The following TENM3 variants were observed in gnomAD, a reference collection of about 807,000 sequenced individuals.
TENM3 encodes teneurin transmembrane protein 3, also known as teneurin-3.
A neutral mutation model predicts 255.1 loss-of-function variants in TENM3; 63 were observed. The ratio of observed to expected loss-of-function variants is 0.25; its 90% confidence interval spans 0.20 to 0.30. TENM3 has a LOEUF of 0.30. Among genes scored for constraint, TENM3 ranks in the 10% least tolerant of loss-of-function variants. The pLI is 1.00. For synonymous variants in TENM3, 1,306 were observed against 1,322.3 expected (o/e 0.99, Z 0.27); for missense variants, 2,929 against 3,461.1 (o/e 0.85, Z 3.86).
chr4:181,978,047 T>C, the TENM3 span, among the ~76,000 whole-genome samples: 1 of 152,156 alleles, frequency 6.6e-6, no homozygotes, highest in Admixed American at 6.5e-5. Flanking sequence ...AAAATAGTTT[T>C]AACAGATCTG....
At chr4:182,314,279 C>T (rs968848283) in intron 1 of TENM3, among the ~76,000 whole-genome samples, 25 of 150,700 alleles carry the variant, frequency 1.7e-4, no homozygotes, top group African/African-American at 5.9e-4. Flanking sequence ...CCAGCCTGGG[C>T]GACAGAGCGA....
chr4:182,399,675 G>A (rs1461583181), intron 3 of TENM3, among the ~76,000 whole-genome samples: 1 of 152,192 alleles, frequency 6.6e-6, no homozygotes, highest in Non-Finnish European at 1.5e-5. Flanking sequence ...CGCACTGCTT[G>A]TTCAGTTTTT....
intron 3 of TENM3, among the ~76,000 whole-genome samples, chr4:182,459,585 G>A (rs1774169118): frequency 6.6e-6 from 1 of 151,950 alleles, no homozygotes; most frequent in Admixed American, 6.6e-5. Flanking sequence ...TTTCTTTAAA[G>A]TATATTTAAA....
the TENM3 span, among the ~76,000 whole-genome samples, chr4:181,551,838 ATGTG>A: frequency 0.04 from 5,546 of 138,574 alleles, 147 homozygotes; most frequent in African/African-American, 0.056. Context: ...ATATATGTAT[ATGTG>A]TGTGTGTGTG....
At chr4:181,464,088 C>T in the TENM3 span, among the ~76,000 whole-genome samples, 78,911 of 152,008 alleles carry the variant, frequency 0.52, 21,277 homozygotes, top group African/African-American at 0.65. Context: ...TTTTGGACTA[C>T]TGTGAATAAT....
the TENM3 span, among the ~76,000 whole-genome samples, chr4:181,888,498 A>ATATATGTATATATATATG: frequency 4.8e-5 from 1 of 20,726 alleles, no homozygotes; most frequent in Non-Finnish European, 8.9e-5. Context: ...AAATGTGTAT[A>ATATATGTATATATATATG]TATATATATA....
At chr4:181,873,741 G>GGTGTGTGT in the TENM3 span, among the ~76,000 whole-genome samples, 6 of 148,774 alleles carry the variant, frequency 4.0e-5, no homozygotes, top group African/African-American at 1.5e-4. Flanking sequence ...TCTTGAGTAT[G>GGTGTGTGT]GTGTGTGTGT....
chr4:181,702,905 A>G, the TENM3 span, among the ~76,000 whole-genome samples: 1 of 152,184 alleles, frequency 6.6e-6, no homozygotes, highest in South Asian at 2.1e-4. Flanking sequence ...GTAACATATG[A>G]ATTGTCCCTG....
chr4:182,638,002 T>C (rs192901368), intron 5 of TENM3, among the ~76,000 whole-genome samples: 97 of 151,462 alleles, frequency 6.4e-4, no homozygotes, highest in Non-Finnish European at 1.0e-3. Context: ...TATTGTGATA[T>C]AATGAAAATT....
chr4:182,104,497 T>C, the TENM3 span, among the ~76,000 whole-genome samples: 1 of 147,560 alleles, frequency 6.8e-6, no homozygotes, highest in African/African-American at 2.5e-5. Flanking sequence ...GTTATCACTG[T>C]TGACTCTTTT....
intron 1 of TENM3, among the ~76,000 whole-genome samples, chr4:182,165,180 A>G (rs1033805092): frequency 1.6e-4 from 25 of 152,184 alleles, no homozygotes; most frequent in African/African-American, 5.3e-4. Context: ...TACTCCAGGG[A>G]AACTCAGATC....
At chr4:182,049,789 G>A in the TENM3 span, among the ~76,000 whole-genome samples, 1 of 152,140 alleles carries the variant, frequency 6.6e-6, no homozygotes, top group Admixed American at 6.5e-5. Context: ...TCTTTACCAT[G>A]GGTGAGATCT....
At chr4:181,533,660 A>G in the TENM3 span, among the ~76,000 whole-genome samples, 1 of 152,092 alleles carries the variant, frequency 6.6e-6, no homozygotes, top group Non-Finnish European at 1.5e-5. Context: ...GATGTAAGCT[A>G]CTGCCAAATC....
rs538059532 is a variant in TENM3, at chr4:182,773,701, C to T, written c.5068+54C>T. Reference sequence around the variant, plus strand: ...GTACCACCAGCACCCAGACAGAATGCGGCAACACCCACTTTCCAAGGTGAA... The same window carrying T: ...GTACCACCAGCACCCAGACAGAATGTGGCAACACCCACTTTCCAAGGTGAA... On this transcript the variant is annotated intron_variant, in intron 23 of 27. Transcript: ENST00000511685. 67 of 1,494,586 alleles carry T rather than the reference C, an allele frequency of 4.5e-5. 2 individuals are homozygous for T. The East Asian group carries it at 1.1e-3, about 24-fold the overall frequency. The allele number at this position is 1,494,586 out of a possible 1,614,324, so 92.6% of individuals were successfully genotyped here. A position where few individuals can be genotyped will look rare whatever the true frequency, so the allele number is the denominator to read the frequency against.
chr4:182,179,419 A>G (rs1436399891), intron 1 of TENM3, among the ~76,000 whole-genome samples: 1 of 152,186 alleles, frequency 6.6e-6, no homozygotes, highest in African/African-American at 2.4e-5. Flanking sequence ...CCTCTCTTCC[A>G]CAGCTGGAAT....
Position 182,159,650 on chromosome 4 carries a change from C to T in TENM3, c.-76+14896C>T, listed in dbSNP as rs147792668. Among the ~76,000 whole-genome samples, 233 of 152,196 alleles carry T rather than the reference C, an allele frequency of 1.5e-3. 1 individual carries two copies. Among genetic ancestry groups the T allele is most frequent in the African/African-American group, 5.0e-3 (206 of 41,520 alleles). ...TGAATAATTCTTAGCAGCATGGATC[C>T]CTGGCTTGCCAAGTTACCCATTAGA... is the stretch of plus-strand genomic sequence containing the variant. On this transcript the variant is annotated intron_variant, in intron 1 of 2. Transcript: ENST00000512480.
chr4:181,677,156 T>C, the TENM3 span, among the ~76,000 whole-genome samples: 1 of 152,070 alleles, frequency 6.6e-6, no homozygotes, highest in Non-Finnish European at 1.5e-5. Context: ...CCTGTGTCCA[T>C]TGCGTTCTTT....
At chr4:182,340,617 G>T (rs147494332) in intron 2 of TENM3, among the ~76,000 whole-genome samples, 1 of 152,252 alleles carries the variant, frequency 6.6e-6, no homozygotes, top group East Asian at 1.9e-4. Context: ...AACATAAAAG[G>T]TTAAAGAGTT....
intron 5 of TENM3, among the ~76,000 whole-genome samples, chr4:182,647,729 G>A (rs920393388): frequency 6.6e-6 from 1 of 152,096 alleles, no homozygotes; most frequent in Non-Finnish European, 1.5e-5. Flanking sequence ...CAGTTCTTTC[G>A]GGTATGTAGC....
Sources: allele counts gnomAD v4.1 joint callset (sites outside exome capture counted in the v4.1 genomes callset), GRCh38; gene constraint gnomAD v4.1.1; transcripts MANE v1.5; gene names NCBI Gene and HGNC (gene_info 2026-07-23, HGNC 2026-07-21).